The following UGT1A7 variants were observed in gnomAD, a reference collection of about 807,000 sequenced individuals.
UGT1A7 encodes UDP-glucuronosyltransferase 1A7.
UGT1A7 carries 33 observed loss-of-function variants against 45.6 expected under a neutral mutation model. The ratio of observed to expected loss-of-function variants is 0.72; its 90% CI spans 0.55 to 0.97. The LOEUF (loss-of-function observed/expected upper bound fraction) is 0.97, where lower values mean the gene tolerates loss of function less well. Ranked by LOEUF, UGT1A7 falls within the 50% of genes least tolerant of loss-of-function variation. The pLI is 0.00. For synonymous variants in UGT1A7, 274 were observed against 250.6 expected, an observed-to-expected ratio of 1.09 and a Z score of -0.88; for missense variants, 684 against 666.2, an observed-to-expected ratio of 1.03 and a Z score of -0.29.
intron 1 of UGT1A7, among the ~76,000 whole-genome samples, chr2:233,716,262 C>T (rs2076494845): frequency 6.6e-6 from 1 of 152,162 alleles, no homozygotes; most frequent in Admixed American, 6.5e-5. Flanking sequence ...GCATAATCTC[C>T]CCATGTCAAA....
At chr2:233,711,602 G>A (rs764299544) in intron 1 of UGT1A7, among the ~76,000 whole-genome samples, 1 of 152,140 alleles carries the variant, frequency 6.6e-6, no homozygotes, top group Non-Finnish European at 1.5e-5. Flanking sequence ...TCCTGCCTGC[G>A]CCCTCTGGTG....
Position 233,768,343 on chromosome 2 carries a change from G to T in UGT1A7, c.1199G>T (p.Arg400Leu), listed in dbSNP as rs140613392. 1.2e-6 allele frequency: 2 copies of T among 1,614,170 alleles called. No homozygotes were observed. The highest frequency in any genetic ancestry group is 1.7e-6 in the Non-Finnish European group (2 of 1,180,042). ...LFGDQMDNAK[R>L]METKGAGVTL... is the part of the protein sequence containing the mutation. ...GGTGATCAGATGGACAATGCAAAGC[G>T]CATGGAGACTAAGGGAGCTGGAGTG... The change falls in exon 4 of 5, where the codon CGC becomes CTC. Residue 400 changes from arginine to leucine, a missense_variant. Coordinates refer to ENST00000373426, the MANE Select transcript of UGT1A7 (RefSeq NM_019077.3).
At chr2:233,690,083 A>T (rs1370137162) in intron 1 of UGT1A7, among the ~76,000 whole-genome samples, 1 of 152,176 alleles carries the variant, frequency 6.6e-6, no homozygotes, top group Non-Finnish European at 1.5e-5. Flanking sequence ...TATCAAATAG[A>T]TTAAATTGCT....
chr2:233,691,425 T>G, intron 1 of UGT1A7: 10 of 985,586 alleles, frequency 1.0e-5, no homozygotes, highest in Non-Finnish European at 1.2e-5. Context: ...CCTCTAATCA[T>G]GTTGCTCAGG....
chr2:233,729,041 C>G, intron 1 of UGT1A7: 1 of 1,605,398 alleles, frequency 6.2e-7, no homozygotes, highest in East Asian at 2.2e-5. Context: ...CTAAGTGGCT[C>G]AGTGACAAGG....
At chr2:233,737,569 A>C (rs1156653495) in intron 1 of UGT1A7, among the ~76,000 whole-genome samples, 3 of 152,164 alleles carry the variant, frequency 2.0e-5, no homozygotes, top group African/African-American at 7.2e-5. Context: ...TGCACCCACT[A>C]TCCAACCAGT....
intron 1 of UGT1A7, among the ~76,000 whole-genome samples, chr2:233,752,866 C>G (rs1227879768): frequency 6.6e-6 from 1 of 152,186 alleles, no homozygotes; most frequent in Non-Finnish European, 1.5e-5. Context: ...TTTGTGTTAG[C>G]TTTCAACTGT....
rs114158579 is a variant in UGT1A7, at chr2:233,687,163, G to C, written c.855+4371G>C. 3.8e-3 allele frequency among the ~76,000 whole-genome samples: 572 copies of C among 152,274 alleles called. 7 individuals are homozygous for C. Among genetic ancestry groups the C allele is most frequent in the African/African-American group, 0.013 (548 of 41,552 alleles). ...ATATGATAATACATGCAGATGACTGGCATGTGGATATGAATCAGCAATACC... is the reference window on the plus strand; with the variant it reads ...ATATGATAATACATGCAGATGACTGCCATGTGGATATGAATCAGCAATACC... On this transcript the variant is annotated intron_variant, in intron 1 of 4. Transcript: ENST00000373426.
chr2:233,695,130 C>CTTTTT (rs71398796), intron 1 of UGT1A7, among the ~76,000 whole-genome samples: 6 of 138,838 alleles, frequency 4.3e-5, no homozygotes, highest in East Asian at 2.1e-4. Flanking sequence ...CTTTTCTTTT[C>CTTTTT]TTTTTTTTTT....
chr2:233,748,870 C>T (rs930859259), intron 1 of UGT1A7, among the ~76,000 whole-genome samples: 9 of 151,444 alleles, frequency 5.9e-5, no homozygotes, highest in Non-Finnish European at 1.0e-4. Flanking sequence ...AAGCTGGGGA[C>T]GGTGATGAAT....
intron 1 of UGT1A7, among the ~76,000 whole-genome samples, chr2:233,757,571 A>T (rs112550375): frequency 1.3e-5 from 1 of 77,332 alleles, no homozygotes; most frequent in African/African-American, 6.0e-5. Context: ...TGTATATATG[A>T]TATAGCTATA....
At chr2:233,743,384 A>G in intron 1 of UGT1A7, 4 of 1,202,216 alleles carry the variant, frequency 3.3e-6, no homozygotes, top group Non-Finnish European at 4.5e-6. Context: ...CTACCGTAGG[A>G]CATGCAGAAG....
chr2:233,764,999 A>G (rs984767809), intron 1 of UGT1A7, among the ~76,000 whole-genome samples: 8 of 151,978 alleles, frequency 5.3e-5, no homozygotes, highest in Admixed American at 1.3e-4. Flanking sequence ...TTTCCTGGTC[A>G]TGTTCCAAAT....
chr2:233,704,199 C>A (rs1162056746), intron 1 of UGT1A7, among the ~76,000 whole-genome samples: 1 of 147,548 alleles, frequency 6.8e-6, no homozygotes, highest in Non-Finnish European at 1.5e-5. Context: ...CCCCATTTTA[C>A]TTTTTATGCT....
chr2:233,768,231 A>G lies in UGT1A7; in HGVS notation c.1087A>G (p.Thr363Ala). The G allele has an allele frequency of 5.6e-6, 9 of 1,614,162 alleles. No homozygotes were observed. The highest frequency in any genetic ancestry group is 7.6e-6 in the Non-Finnish European group (9 of 1,180,044). Reference sequence around the variant, plus strand: ...ATTTTGCATCTCAGGTCACCCGATGACCCGTGCCTTTATCACCCATGCTGG... The same window carrying G: ...ATTTTGCATCTCAGGTCACCCGATGGCCCGTGCCTTTATCACCCATGCTGG... ...PQNDLLGHPMTRAFITHAGSH... is the reference protein window; with the variant it reads ...PQNDLLGHPMARAFITHAGSH... The change falls in exon 4 of 5, where the codon ACC becomes GCC. Residue 363 changes from threonine (T) to alanine (A), a missense_variant. By Grantham distance (58) the Thr-to-Ala change is moderately conservative. Coordinates refer to ENST00000373426, the MANE Select transcript of UGT1A7 (RefSeq NM_019077.3).
intron 1 of UGT1A7, among the ~76,000 whole-genome samples, chr2:233,712,747 C>CA (rs2076252881): frequency 6.6e-6 from 1 of 152,002 alleles, no homozygotes; most frequent in African/African-American, 2.4e-5. Context: ...TTGGATGTTC[C>CA]CCAGAGCGAG....
In UGT1A7 at chr2:233,693,946, CTG is replaced by C. The variant is rs2075190612; in HGVS notation, c.855+11156_855+11157del. The C allele has an allele frequency of 2.5e-6, 4 of 1,598,736 alleles. No individual in the cohort carries two copies. The Admixed American group carries it at 6.8e-5, about 27-fold the overall frequency. The stretch of plus-strand genomic sequence containing the variant: ...TCACTCATTTGGCTCCTTGAGCCGA[CTG>C]TCCCTTGGAGGATTTCCTGGAGAAA... On this transcript the variant is annotated intron_variant, in intron 1 of 4. Coordinates refer to ENST00000373426, the MANE Select transcript of UGT1A7 (RefSeq NM_019077.3).
chr2:233,767,291 C>T (rs1383202700), intron 2 of UGT1A7, 126 bp downstream of exon 2: 1 of 1,553,770 alleles, frequency 6.4e-7, no homozygotes, highest in African/African-American at 1.4e-5. Context: ...CACTTCCCAA[C>T]TATTAATCCA....
rs1399305779 is a variant in UGT1A7, at chr2:233,769,284, T to C, written c.1295+845T>C. 6.6e-6 allele frequency among the ~76,000 whole-genome samples: 1 copy of C among 152,226 alleles called. No individual in the cohort carries two copies. The highest frequency in any genetic ancestry group is 1.5e-5 in the Non-Finnish European group (1 of 68,038). ...AACGATTCAAAGGGCAAATGATTTC[T>C]GGATTAAAGTTAGTATATTACTGTC... On this transcript the variant is annotated intron_variant, in intron 4 of 4. Coordinates refer to ENST00000373426, the MANE Select transcript of UGT1A7 (RefSeq NM_019077.3). The surrounding 1 kb of genome is among the most constrained non-coding windows in gnomAD (Gnocchi z 4.4).
Sources: gnomAD v4.1 joint callset for allele counts (sites outside exome capture counted in the v4.1 genomes callset) on GRCh38, gnomAD v4.1.1 for gene constraint, Gnocchi (gnomAD v3.1) non-coding constraint, MANE v1.5 for transcripts, NCBI Gene and HGNC (gene_info 2026-07-23, HGNC 2026-07-21) for gene names.